Variants in FNDC8 observed in about 807,000 individuals in gnomAD.
FNDC8 encodes the protein fibronectin type III domain-containing protein 8.
A neutral mutation model predicts 24.8 loss-of-function variants in FNDC8; 23 were observed. The observed-to-expected ratio is 0.93, with a 90% CI of 0.67 to 1.31. The LOEUF (loss-of-function observed/expected upper bound fraction) is 1.31. FNDC8 is among the 40% of genes most tolerant of loss of function. FNDC8 has a pLI of 0.00. For synonymous variants in FNDC8, 158 were observed against 165.3 expected, an observed-to-expected ratio of 0.96 and a Z score of 0.34; for missense variants, 371 against 398.2, an observed-to-expected ratio of 0.93 and a Z score of 0.58.
chr17:35,128,033 G>A (rs539709925), intron 2 of FNDC8, among the ~76,000 whole-genome samples: 4 of 152,368 alleles, frequency 2.6e-5, no homozygotes, highest in Non-Finnish European at 5.9e-5. Flanking sequence ...ACAGGGGACA[G>A]GATGGGGAAT....
intron 3 of FNDC8, 126 bp downstream of exon 3, chr17:35,129,784 G>C (rs1283403652): frequency 3.4e-6 from 5 of 1,456,954 alleles, no homozygotes; most frequent in Non-Finnish European, 4.5e-6. Context: ...CTTCTGCCTG[G>C]GTCAAGAAGC....
In FNDC8 at chr17:35,127,107, C is replaced by T. The variant is rs780531286; in HGVS notation, c.275C>T (p.Ser92Phe). The part of the protein sequence containing the change: ...SDETSISAFS[S>F]TLLNPIKLAV... ...GAGACCAGCATCTCTGCCTTCTCAT[C>T]CACCTTGCTGAACCCCATCAAATTA... Residue 92 changes from serine (S) to phenylalanine (F), a missense_variant, in exon 2 of 4, where the codon TCC becomes TTC. Transcript: ENST00000158009. 6.2e-7 allele frequency: 1 copy of T among 1,614,104 alleles called. No individual in the cohort carries two copies. Among genetic ancestry groups the T allele is most frequent in the South Asian group, 1.1e-5 (1 of 91,062 alleles).
At chr17:35,126,379 G>C (rs2091849190) in intron 1 of FNDC8, among the ~76,000 whole-genome samples, 1 of 151,930 alleles carries the variant, frequency 6.6e-6, no homozygotes, top group African/African-American at 2.4e-5. Flanking sequence ...CCATACCCCA[G>C]TAGATCTTTG....
chr17:35,130,244 G>A (rs770487641), intron 3 of FNDC8, 38 bp from the exon 4 acceptor site: 13 of 1,606,176 alleles, frequency 8.1e-6, no homozygotes, highest in East Asian at 2.2e-5. Context: ...GTTCAGATCT[G>A]GGAAGGAACT....
chr17:35,129,592 G>C lies in FNDC8; in HGVS notation c.756G>C (p.Thr252=), dbSNP rs150486836. ...AGCTGATGGAGCTAAAGCCTAACAC[G>C]TGTTACTGCCTCAGTGTCCGTGCAG... ...TVKLMELKPN[T]CYCLSVRAAN... The change falls in exon 3 of 4, where the codon ACG becomes ACC. Residue 252 remains threonine, a synonymous_variant. Transcript: ENST00000158009. 3 of 1,614,046 alleles carry C rather than the reference G, an allele frequency of 1.9e-6. No homozygotes were observed. Among genetic ancestry groups the C allele is most frequent in the African/African-American group, 1.3e-5 (1 of 74,928 alleles).
intron 1 of FNDC8, among the ~76,000 whole-genome samples, chr17:35,124,901 G>T (rs1412674365): frequency 6.6e-6 from 1 of 151,450 alleles, no homozygotes; most frequent in Non-Finnish European, 1.5e-5. Flanking sequence ...TACAAAAATT[G>T]GGCAGATGTG....
At chr17:35,129,044 G>A (rs1218835337) in intron 2 of FNDC8, 2 of 207,422 alleles carry the variant, frequency 9.6e-6, no homozygotes, top group East Asian at 2.1e-4. Context: ...GGTACCCTGA[G>A]CCGTGGGGAG....
chr17:35,121,668 G>T lies in FNDC8; in HGVS notation c.-26G>T, dbSNP rs1173982481. 6.2e-7 allele frequency: 1 copy of T among 1,610,966 alleles called. No homozygotes were observed. The highest frequency in any genetic ancestry group is 1.1e-5 in the South Asian group (1 of 90,974). Reference sequence around the variant, plus strand: ...GGTCAGCTGGGTTGTCCTGCATGGTGACGGGTGTCATCCCGAACAAATCAG... The same window carrying T: ...GGTCAGCTGGGTTGTCCTGCATGGTTACGGGTGTCATCCCGAACAAATCAG... On this transcript the variant is annotated 5_prime_UTR_variant, in exon 1 of 4. Coordinates refer to ENST00000158009, the MANE Select transcript of FNDC8 (RefSeq NM_017559.4).
chr17:35,128,984 C>G (rs2091860424), intron 2 of FNDC8: 1 of 176,778 alleles, frequency 5.7e-6, no homozygotes, highest in African/African-American at 2.4e-5. Flanking sequence ...GTTCACGTGC[C>G]TATGGGAATC....
intron 1 of FNDC8, among the ~76,000 whole-genome samples, chr17:35,125,348 C>T (rs75280921): frequency 0.027 from 4,009 of 150,434 alleles, 82 homozygotes; most frequent in Non-Finnish European, 0.039. Context: ...TGGAGGTGGA[C>T]GGATGGCTTG....
chr17:35,129,673 AAG>A lies in FNDC8; in HGVS notation c.822+18_822+19del. The A allele has an allele frequency of 6.2e-7, 1 of 1,611,716 alleles. No homozygotes were observed. On this transcript the variant is annotated intron_variant, in intron 3 of 3. Coordinates refer to ENST00000158009, the MANE Select transcript of FNDC8 (RefSeq NM_017559.4). ...AGCCCTACAAAGTGAGCCCTGGGAA[AAG>A]AGGGGCCTTGGGGGTGGAGAGAAGT...
intron 1 of FNDC8, among the ~76,000 whole-genome samples, chr17:35,122,418 T>C (rs2091833436): frequency 6.6e-6 from 1 of 151,490 alleles, no homozygotes; most frequent in Non-Finnish European, 1.5e-5. Flanking sequence ...CACAACCCAG[T>C]TCCTTGACTC....
At position 35,130,298 on chromosome 17, in the gene FNDC8, C is replaced by T. The variant is rs371002417; in HGVS notation, c.839C>T (p.Thr280Ile). 1 of 1,613,942 alleles carries T rather than the reference C, an allele frequency of 6.2e-7. No homozygotes were observed. Among genetic ancestry groups the T allele is most frequent in the Non-Finnish European group, 8.5e-7 (1 of 1,179,920 alleles). ...TCACTTCAGTTTGCAACCCTGGCCACTGACTTCAGCAGCTTTCCTGAGAAC... is the reference window on the plus strand; with the variant it reads ...TCACTTCAGTTTGCAACCCTGGCCATTGACTTCAGCAGCTTTCCTGAGAAC... Reference protein sequence around the residue: ...CKPYKFATLATDFSSFPENYP... With the variant: ...CKPYKFATLAIDFSSFPENYP... The change falls in exon 4 of 4, where the codon ACT (threonine) becomes ATT (isoleucine). Residue 280 changes from threonine (T) to isoleucine (I), a missense_variant. By Grantham distance (89) the Thr-to-Ile change is moderately conservative. Transcript: ENST00000158009.
chr17:35,121,834 C>G lies in FNDC8; in HGVS notation c.141C>G (p.Thr47=), dbSNP rs1253629432. The change falls in exon 1 of 4, where the codon ACC becomes ACG. Residue 47 remains threonine, a synonymous_variant. Coordinates refer to ENST00000158009, the MANE Select transcript of FNDC8 (RefSeq NM_017559.4). ...AGTCTATGAACCGGACCGTCACTAC[C>G]AAAGGACTCCCACTAGCCTCAAAGG... ...NPKSMNRTVT[T]KGLPLASKGN... 1.2e-6 allele frequency: 2 copies of G among 1,613,766 alleles called. No individual in the cohort carries two copies. Among genetic ancestry groups the G allele is most frequent in the East Asian group, 4.5e-5 (2 of 44,854 alleles).
chr17:35,126,905 A>T, intron 1 of FNDC8, 137 bp from the exon 2 acceptor site: 1 of 1,054,652 alleles, frequency 9.5e-7, no homozygotes, highest in Non-Finnish European at 1.4e-6. Flanking sequence ...ATGCAATGCT[A>T]TAGAGCAATG....
Position 35,121,882 on chromosome 17 carries a change from G to A in FNDC8, c.189G>A (p.Glu63=). The A allele has an allele frequency of 3.7e-6, 6 of 1,613,160 alleles. No homozygotes were observed. The highest frequency in any genetic ancestry group is 4.2e-6 in the Non-Finnish European group (5 of 1,179,830). The part of the protein sequence containing the change: ...ASKGNLVNFL[E]DDTINLLKPL... ...AGGGCAATTTGGTCAACTTCTTGGA[G>A]GATGATACCATCAACCTACTGTAAG... The change falls in exon 1 of 4, where the codon GAG becomes GAA. Residue 63 remains glutamate, a synonymous_variant. Coordinates refer to ENST00000158009, the MANE Select transcript of FNDC8 (RefSeq NM_017559.4).
At chr17:35,126,497 C>CATTTTTTTTTTTTTTTTTTTTTT (rs1555571324) in intron 1 of FNDC8, among the ~76,000 whole-genome samples, 1 of 112,046 alleles carries the variant, frequency 8.9e-6, no homozygotes, top group African/African-American at 3.5e-5. Context: ...ATTTTCTAAG[C>CATTTTTTTTTTTTTTTTTTTTTT]TTTTTTTTTT....
At chr17:35,126,943 C>G in intron 1 of FNDC8, 99 bp from the exon 2 acceptor site, 1 of 1,441,616 alleles carries the variant, frequency 6.9e-7, no homozygotes, top group East Asian at 2.3e-5. Flanking sequence ...TTGCAAATGG[C>G]TGGGGATGCT....
At chr17:35,130,114 G>A (rs952924914) in intron 3 of FNDC8, 168 bp from the exon 4 acceptor site, 10 of 1,438,396 alleles carry the variant, frequency 7.0e-6, no homozygotes, top group Non-Finnish European at 9.1e-7. Context: ...GGAGGTACAG[G>A]CTTGAGTCAT....
Sources: allele counts gnomAD v4.1 joint callset (sites outside exome capture counted in the v4.1 genomes callset), GRCh38; gene constraint gnomAD v4.1.1; transcripts MANE v1.5; gene names NCBI Gene and HGNC (gene_info 2026-07-23, HGNC 2026-07-21).